Variants in SYT1 observed in about 807,000 individuals in gnomAD.
SYT1 encodes the protein synaptotagmin 1.
SYT1 carries 8 observed loss-of-function variants against 44.8 expected under a neutral mutation model. The observed-to-expected ratio is 0.18, with a 90% CI of 0.10 to 0.32. The LOEUF is 0.32. SYT1 is among the 10% of genes least tolerant of loss of function. The pLI is 1.00. For missense variants in SYT1, 286 were observed against 509.3 expected (o/e 0.56, Z 4.22); for synonymous variants, 154 against 188.8 (o/e 0.82, Z 1.51).
At chr12:79,134,492 G>A (rs1869054818) in intron 3 of SYT1, among the ~76,000 whole-genome samples, 2 of 152,156 alleles carry the variant, frequency 1.3e-5, no homozygotes, top group Admixed American at 6.5e-5. Context: ...CTGGTACATA[G>A]CAAGATTTGA....
intron 10 of SYT1, among the ~76,000 whole-genome samples, chr12:79,447,668 T>C (rs1593075422): frequency 6.6e-6 from 1 of 152,176 alleles, no homozygotes; most frequent in East Asian, 1.9e-4. Flanking sequence ...ATAGCCCTCT[T>C]CTTTGTTCCA....
chr12:78,938,393 A>G (rs1175315254), intron 1 of SYT1, among the ~76,000 whole-genome samples: 1 of 152,188 alleles, frequency 6.6e-6, no homozygotes, highest in Non-Finnish European at 1.5e-5. Context: ...ATGTGGCTCT[A>G]CTGATAAGGA....
In SYT1 at chr12:79,136,541, A is replaced by G. The variant is rs1000157729; in HGVS notation, c.-17-80962A>G. 5.3e-5 allele frequency among the ~76,000 whole-genome samples: 8 copies of G among 152,308 alleles called. No homozygotes were observed. In the East Asian group the frequency reaches 1.3e-3, roughly 26 times the overall value. On this transcript the variant is annotated intron_variant, in intron 3 of 10. Transcript: ENST00000261205. Reference sequence around the variant, plus strand: ...TCTAATCTCCATTTTTTTGTACTACATATTACTATTATACTATTTTCTGTA... The same window carrying G: ...TCTAATCTCCATTTTTTTGTACTACGTATTACTATTATACTATTTTCTGTA...
intron 8 of SYT1, among the ~76,000 whole-genome samples, chr12:79,350,131 G>T (rs962789970): frequency 6.6e-6 from 1 of 151,636 alleles, no homozygotes; most frequent in African/African-American, 2.4e-5. Flanking sequence ...CACAAGCCTT[G>T]TTTTGACTGG....
intron 1 of SYT1, among the ~76,000 whole-genome samples, chr12:78,923,318 G>C (rs1227170361): frequency 2.0e-5 from 3 of 151,908 alleles, no homozygotes; most frequent in African/African-American, 7.2e-5. Context: ...TGCAGTTTAA[G>C]TTCTATATCA....
intron 1 of SYT1, among the ~76,000 whole-genome samples, chr12:78,911,873 A>T (rs1876352174): frequency 6.6e-6 from 1 of 151,964 alleles, no homozygotes; most frequent in East Asian, 1.9e-4. Context: ...GAGGCTCCCC[A>T]TTGGGACTAC....
At chr12:79,125,830 G>A (rs1283317184) in intron 3 of SYT1, among the ~76,000 whole-genome samples, 3 of 152,080 alleles carry the variant, frequency 2.0e-5, no homozygotes, top group Non-Finnish European at 2.9e-5. Flanking sequence ...TTGCACAAAG[G>A]CCTCCTTATC....
intron 1 of SYT1, among the ~76,000 whole-genome samples, chr12:78,964,535 G>A (rs1447273816): frequency 6.6e-6 from 1 of 152,152 alleles, no homozygotes; most frequent in Non-Finnish European, 1.5e-5. Context: ...TGGAATTACT[G>A]CACATATCAA....
At chr12:79,012,640 A>G (rs1871489084) in intron 2 of SYT1, among the ~76,000 whole-genome samples, 1 of 152,150 alleles carries the variant, frequency 6.6e-6, no homozygotes, top group Non-Finnish European at 1.5e-5. Context: ...CCTTTCAAAA[A>G]GAGCTGAAGG....
At chr12:78,946,973 G>A (rs555766692) in intron 1 of SYT1, among the ~76,000 whole-genome samples, 1 of 152,244 alleles carries the variant, frequency 6.6e-6, no homozygotes, top group Non-Finnish European at 1.5e-5. Context: ...CTGCCTCTTA[G>A]TAAAAAGTGT....
At chr12:79,298,022 T>C (rs1284293011) in intron 7 of SYT1, among the ~76,000 whole-genome samples, 1 of 152,142 alleles carries the variant, frequency 6.6e-6, no homozygotes, top group Non-Finnish European at 1.5e-5. Flanking sequence ...TACAGTATTA[T>C]CACAATTTAA....
chr12:79,410,047 T>C (rs1053069325), intron 9 of SYT1, among the ~76,000 whole-genome samples: 13 of 152,108 alleles, frequency 8.5e-5, no homozygotes, highest in Non-Finnish European at 1.2e-4. Flanking sequence ...AAAATTATTT[T>C]GAAATGCTGA....
chr12:79,075,095 A>G (rs1221554004), intron 3 of SYT1, among the ~76,000 whole-genome samples: 1 of 152,180 alleles, frequency 6.6e-6, no homozygotes, highest in Non-Finnish European at 1.5e-5. Flanking sequence ...AACAAGCCCT[A>G]TATTTGCAGA....
In SYT1 at chr12:79,449,270, C is replaced by A; in HGVS notation, c.*146C>A. ...GTACTTGGAATCCTGTTTTAATTTG[C>A]ACAAATTTAAATGTAGAGAGCCCCT... On this transcript the variant is annotated 3_prime_UTR_variant, in exon 11 of 11. Coordinates refer to ENST00000261205, the MANE Select transcript of SYT1 (RefSeq NM_005639.3). 3 of 875,502 alleles carry A rather than the reference C, an allele frequency of 3.4e-6. No individual in the cohort carries two copies. Among genetic ancestry groups the A allele is most frequent in the Non-Finnish European group, 5.2e-6 (3 of 580,686 alleles). 54.2% of individuals were successfully genotyped at this position (875,502 alleles called of 1,614,324 possible).
At chr12:79,145,549 A>G (rs1869825386) in intron 3 of SYT1, among the ~76,000 whole-genome samples, 1 of 152,196 alleles carries the variant, frequency 6.6e-6, no homozygotes, top group African/African-American at 2.4e-5. Flanking sequence ...ACCATTTTTA[A>G]TGATTTTACA....
intron 2 of SYT1, among the ~76,000 whole-genome samples, chr12:78,980,489 T>C (rs1438728074): frequency 6.6e-6 from 1 of 152,202 alleles, no homozygotes; most frequent in African/African-American, 2.4e-5. Flanking sequence ...AAAATTCTTT[T>C]GTTTTCAGCT....
At chr12:78,917,910 A>G (rs1339163365) in intron 1 of SYT1, among the ~76,000 whole-genome samples, 1 of 152,092 alleles carries the variant, frequency 6.6e-6, no homozygotes, top group Non-Finnish European at 1.5e-5. Context: ...ATACATCAAT[A>G]AAGAGATTTT....
chr12:79,247,881 A>G (rs1353099029), intron 4 of SYT1, among the ~76,000 whole-genome samples: 1 of 152,256 alleles, frequency 6.6e-6, no homozygotes, highest in Non-Finnish European at 1.5e-5. Context: ...GAAGGAACAC[A>G]AAGTATGAAA....
intron 1 of SYT1, among the ~76,000 whole-genome samples, chr12:78,967,348 T>A (rs1339580448): frequency 1.3e-5 from 2 of 152,166 alleles, no homozygotes; most frequent in African/African-American, 4.8e-5. Flanking sequence ...AATGTGAAGC[T>A]TGGATTGAAG....
Sources: gnomAD v4.1 joint callset for allele counts (sites outside exome capture counted in the v4.1 genomes callset) on GRCh38, gnomAD v4.1.1 for gene constraint, MANE v1.5 for transcripts, NCBI Gene and HGNC (gene_info 2026-07-23, HGNC 2026-07-21) for gene names.